Variants in SYT9 observed in about 807,000 individuals in gnomAD.
SYT9 encodes synaptotagmin 9.
SYT9 carries 22 observed loss-of-function variants against 48.4 expected under a neutral mutation model. The observed-to-expected ratio is 0.45, with a 90% CI of 0.32 to 0.65. SYT9 has a LOEUF of 0.65. Among genes scored for constraint, SYT9 ranks in the 30% least tolerant of loss-of-function variants. The pLI, the probability that SYT9 is intolerant of heterozygous loss-of-function variation, is 0.03. For synonymous variants in SYT9, 265 were observed against 245.0 expected (o/e 1.08, Z -0.76); for missense variants, 577 against 622.0 (o/e 0.93, Z 0.77).
intron 1 of SYT9, among the ~76,000 whole-genome samples, chr11:7,290,837 T>A (rs2133918620): frequency 6.6e-6 from 1 of 152,294 alleles, no homozygotes; most frequent in Admixed American, 6.5e-5. Context: ...CAGTCTACAG[T>A]GAATCATTCT....
intron 1 of SYT9, among the ~76,000 whole-genome samples, chr11:7,285,093 G>T (rs542610382): frequency 6.6e-6 from 1 of 152,120 alleles, no homozygotes; most frequent in Non-Finnish European, 1.5e-5. Flanking sequence ...CTAAGACACC[G>T]AGCTATCCCT....
At chr11:7,452,735 C>T (rs1414285152) in intron 6 of SYT9, among the ~76,000 whole-genome samples, 1 of 152,050 alleles carries the variant, frequency 6.6e-6, no homozygotes, top group Non-Finnish European at 1.5e-5. Context: ...AGTTATCACA[C>T]CCTGAGTCAA....
intron 3 of SYT9, among the ~76,000 whole-genome samples, chr11:7,384,717 C>T (rs1051600365): frequency 6.6e-6 from 1 of 152,150 alleles, no homozygotes; most frequent in African/African-American, 2.4e-5. Context: ...CTACTTCAAT[C>T]TTTGTAATGA....
chr11:7,280,947 T>C (rs1848482578), intron 1 of SYT9, among the ~76,000 whole-genome samples: 1 of 152,358 alleles, frequency 6.6e-6, no homozygotes, highest in African/African-American at 2.4e-5. Flanking sequence ...GCATAGTTTA[T>C]TGAATTTTAC....
At chr11:7,364,250 T>C (rs1267975739) in intron 3 of SYT9, among the ~76,000 whole-genome samples, 1 of 152,194 alleles carries the variant, frequency 6.6e-6, no homozygotes, top group African/African-American at 2.4e-5. Flanking sequence ...AACCTCTTTG[T>C]AGTGATGTTG....
At position 7,407,467 on chromosome 11, in the gene SYT9, G is replaced by A. The variant is rs1210114773; in HGVS notation, c.1045-8575G>A. On this transcript the variant is annotated intron_variant, in intron 3 of 6. Coordinates refer to ENST00000318881, the MANE Select transcript of SYT9 (RefSeq NM_175733.4). ...GCAATCTCGGCTCACTGCAAGCTCC[G>A]CTTCCCGGGTTCACGCCATTCTCCT... 1.3e-4 allele frequency among the ~76,000 whole-genome samples: 7 copies of A among 53,252 alleles called. 1 individual carries two copies. The South Asian group carries it at 1.5e-3, about 11-fold the overall frequency. The allele number at this position is 53,252 out of a possible 152,430, so 34.9% of individuals were successfully genotyped here.
chr11:7,334,742 G>T (rs1849604800), intron 3 of SYT9, among the ~76,000 whole-genome samples: 1 of 144,414 alleles, frequency 6.9e-6, no homozygotes, highest in African/African-American at 2.5e-5. Flanking sequence ...CATACAGAAG[G>T]TACTCCGCTT....
chr11:7,430,043 A>C (rs577458769), intron 6 of SYT9, among the ~76,000 whole-genome samples: 18 of 152,094 alleles, frequency 1.2e-4, no homozygotes, highest in African/African-American at 4.3e-4. Flanking sequence ...TTTCCCTTCA[A>C]TGTCTTATGT....
intron 1 of SYT9, among the ~76,000 whole-genome samples, chr11:7,272,761 A>G (rs946639470): frequency 1.3e-5 from 2 of 152,254 alleles, no homozygotes; most frequent in Non-Finnish European, 2.9e-5. Flanking sequence ...AGTGGTGTCA[A>G]GAAAGGCTTC....
chr11:7,292,701 T>C (rs929256117), intron 1 of SYT9, among the ~76,000 whole-genome samples: 1 of 152,218 alleles, frequency 6.6e-6, no homozygotes, highest in Non-Finnish European at 1.5e-5. Context: ...GCACATCAGA[T>C]TTTCTGTAAT....
upstream of SYT9, among the ~76,000 whole-genome samples, chr11:7,248,153 C>T (rs1847817746): frequency 6.6e-6 from 1 of 152,078 alleles, no homozygotes; most frequent in South Asian, 2.1e-4. Context: ...ATGTCCTTAT[C>T]CCACTTTTTG....
At chr11:7,415,416 T>A (rs571362282) in intron 3 of SYT9, among the ~76,000 whole-genome samples, 1 of 152,134 alleles carries the variant, frequency 6.6e-6, no homozygotes, top group African/African-American at 2.4e-5. Context: ...CTGAGCTCTG[T>A]GGCATGGGGA....
At chr11:7,428,535 C>A (rs1040763308) in intron 6 of SYT9, among the ~76,000 whole-genome samples, 1 of 152,174 alleles carries the variant, frequency 6.6e-6, no homozygotes, top group Non-Finnish European at 1.5e-5. Flanking sequence ...GGGAATGGGG[C>A]CTGGGGCAAA....
At chr11:7,462,670 C>G (rs1199486851) in intron 6 of SYT9, among the ~76,000 whole-genome samples, 1 of 152,120 alleles carries the variant, frequency 6.6e-6, no homozygotes, top group Non-Finnish European at 1.5e-5. Flanking sequence ...AAATAGTCAA[C>G]AAAATCCTGA....
intron 3 of SYT9, among the ~76,000 whole-genome samples, chr11:7,320,474 T>A (rs1292714248): frequency 6.6e-6 from 1 of 152,236 alleles, no homozygotes; most frequent in Non-Finnish European, 1.5e-5. Context: ...TTTCTTTCTA[T>A]AAGTGCAAAA....
chr11:7,286,948 C>T (rs1438597912), intron 1 of SYT9, among the ~76,000 whole-genome samples: 1 of 152,186 alleles, frequency 6.6e-6, no homozygotes, highest in African/African-American at 2.4e-5. Context: ...CTGAGCCCTC[C>T]AAACTCTTCC....
rs570097157 is a variant in SYT9 at position 7,243,025 on chromosome 11, G to A, written c.49+4109G>A. Among the ~76,000 whole-genome samples the A allele has an allele frequency of 2.7e-5, 4 of 146,028 alleles. No homozygotes were observed. In the South Asian group the frequency reaches 8.5e-4, roughly 31 times the overall value. On this transcript the variant is annotated intron_variant and NMD_transcript_variant, in intron 1 of 8. Transcript: ENST00000524820. Reference sequence around the variant, plus strand: ...TGTACCATTGCACTCCAACCTGGGTGATGAGAGTGAAATTCTGTCTCAATA... The same window carrying A: ...TGTACCATTGCACTCCAACCTGGGTAATGAGAGTGAAATTCTGTCTCAATA...
rs942297653 is a variant in SYT9 at position 7,251,958 on chromosome 11, C to G, written c.-229C>G. 2.8e-5 allele frequency: 12 copies of G among 432,338 alleles called. No individual in the cohort carries two copies. The highest frequency in any genetic ancestry group is 8.1e-6 in the Non-Finnish European group (2 of 247,664). 26.8% of individuals were successfully genotyped at this position (432,338 alleles called of 1,614,324 possible). A position where few individuals can be genotyped will look rare whatever the true frequency, so the allele number is the denominator to read the frequency against. On this transcript the variant is annotated 5_prime_UTR_variant, in exon 1 of 7. Coordinates refer to ENST00000318881, the MANE Select transcript of SYT9 (RefSeq NM_175733.4). ...CGGTGTCTGGGGAGGGACGGAGGGA[C>G]CGGGCGGGAGAGAGAGAAAGCCTGA...
chr11:7,377,203 G>C (rs1391352266), intron 3 of SYT9, among the ~76,000 whole-genome samples: 1 of 151,316 alleles, frequency 6.6e-6, no homozygotes, highest in Admixed American at 6.6e-5. Context: ...TCTATGCCAG[G>C]CACTGTTCTA....
Sources: allele counts gnomAD v4.1 joint callset (sites outside exome capture counted in the v4.1 genomes callset), GRCh38; gene constraint gnomAD v4.1.1; transcripts MANE v1.5; gene names NCBI Gene and HGNC (gene_info 2026-07-23, HGNC 2026-07-21).